The following DOCK11 variants were observed in gnomAD, a reference collection of about 807,000 sequenced individuals.
The protein encoded by DOCK11 is dedicator of cytokinesis 11, also known as dedicator of cytokinesis protein 11.
Under a neutral mutation model 169.1 loss-of-function variants are expected in DOCK11, and 70 were observed. That is an observed-to-expected ratio of 0.41 (90% CI 0.34 to 0.51). The LOEUF (loss-of-function observed/expected upper bound fraction) is 0.51, where lower values mean the gene tolerates loss of function less well. Ranked by LOEUF, DOCK11 falls within the 20% of genes least tolerant of loss-of-function variation. DOCK11 has a pLI of 0.10. For missense variants in DOCK11, 1,166 were observed against 1,538.8 expected, an observed-to-expected ratio of 0.76 and a Z score of 4.05; for synonymous variants, 529 against 541.3, an observed-to-expected ratio of 0.98 and a Z score of 0.32.
intron 23 of DOCK11, among the ~76,000 whole-genome samples, chrX:118,600,329 C>T (rs1037838280): frequency 9.2e-6 from 1 of 108,940 alleles, no homozygotes; most frequent in East Asian, 2.9e-4. Flanking sequence ...ATCGCTTGAA[C>T]CTGGGAGGCG....
chrX:118,661,971 C>T (rs1042321034), intron 44 of DOCK11, among the ~76,000 whole-genome samples: 2 of 112,200 alleles, frequency 1.8e-5, no homozygotes, highest in African/African-American at 6.5e-5. Context: ...TCATTGAGTA[C>T]TTATTTACTA....
At chrX:118,684,430 G>A (rs1361578196) in intron 52 of DOCK11, among the ~76,000 whole-genome samples, 14 of 108,234 alleles carry the variant, frequency 1.3e-4, no homozygotes, top group African/African-American at 4.0e-4. Context: ...GTGCCACCAC[G>A]CCTGGCTAAT....
intron 1 of DOCK11, among the ~76,000 whole-genome samples, chrX:118,511,190 G>T (rs2057649113): frequency 8.9e-6 from 1 of 112,508 alleles, no homozygotes; most frequent in Admixed American, 9.4e-5. Flanking sequence ...TGACCTGGCT[G>T]TAATGCACTG....
chrX:118,549,333 C>CG (rs1257790890), intron 6 of DOCK11, among the ~76,000 whole-genome samples: 3 of 107,889 alleles, frequency 2.8e-5, no homozygotes, highest in Non-Finnish European at 5.7e-5. Context: ...TTATTAGAGA[C>CG]GGGGTCTCAC....
chrX:118,503,074 C>T (rs377702814), intron 1 of DOCK11, among the ~76,000 whole-genome samples: 3 of 90,762 alleles, frequency 3.3e-5, no homozygotes, highest in Non-Finnish European at 2.1e-5. Flanking sequence ...ATAACAAAGG[C>T]TTTTTTTTTT....
At chrX:118,617,637 C>T (rs757426430) in intron 30 of DOCK11, among the ~76,000 whole-genome samples, 8 of 109,258 alleles carry the variant, frequency 7.3e-5, no homozygotes, top group Admixed American at 9.8e-5. Context: ...CCCAGCACTT[C>T]GGGAGGCCAA....
intron 18 of DOCK11, among the ~76,000 whole-genome samples, chrX:118,589,974 C>G (rs1051978449): frequency 1.8e-5 from 2 of 112,352 alleles, no homozygotes; most frequent in Non-Finnish European, 3.8e-5. Flanking sequence ...AGTTTGAGAT[C>G]GTGTTTCTTT....
At chrX:118,576,279 C>A (rs982208448) in intron 12 of DOCK11, among the ~76,000 whole-genome samples, 1 of 111,210 alleles carries the variant, frequency 9.0e-6, no homozygotes, top group African/African-American at 3.3e-5. Context: ...GGGTAAGAGT[C>A]GCCCTGGGGT....
rs771145228 is a variant in DOCK11, at chrX:118,641,133, A to G, written c.4145-57A>G. On this transcript the variant is annotated intron_variant, in intron 38 of 52. Coordinates refer to ENST00000276202, the MANE Select transcript of DOCK11 (RefSeq NM_144658.4). ...AAGTCTTTGGGTAGAAAGTCATTCA[A>G]CACCATTATGTGCATCTTCGTGTTG... 2.5e-5 allele frequency: 23 copies of G among 910,698 alleles called. No homozygotes were observed. The African/African-American group carries it at 3.7e-4, about 15-fold the overall frequency. 75.1% of individuals were successfully genotyped at this position (910,698 alleles called of 1,213,427 possible). A position where few individuals can be genotyped will look rare whatever the true frequency, so the allele number is the denominator to read the frequency against.
At chrX:118,608,014 T>C (rs1195464387) in intron 24 of DOCK11, 58 bp from the exon 25 acceptor site, 3 of 1,023,334 alleles carry the variant, frequency 2.9e-6, no homozygotes, top group African/African-American at 1.9e-5. Context: ...ATCTTAAGAA[T>C]CAAAATATGT....
At chrX:118,611,786 G>A (rs1171771282) in intron 28 of DOCK11, among the ~76,000 whole-genome samples, 6 of 110,177 alleles carry the variant, frequency 5.4e-5, no homozygotes, top group East Asian at 2.8e-4. Flanking sequence ...ACAGAGTCTC[G>A]CTCTGTCACC....
chrX:118,554,381 C>G (rs1290167050), intron 6 of DOCK11, among the ~76,000 whole-genome samples: 1 of 110,633 alleles, frequency 9.0e-6, no homozygotes, highest in Non-Finnish European at 1.9e-5. Flanking sequence ...GAAACCCTGT[C>G]TCTACTAAAA....
chrX:118,580,346 C>T (rs2147403946), intron 14 of DOCK11, among the ~76,000 whole-genome samples, 167 bp downstream of exon 14: 1 of 111,685 alleles, frequency 9.0e-6, no homozygotes, highest in East Asian at 2.8e-4. Context: ...GACGGAGTTT[C>T]GCTCTTGTTG....
At position 118,597,699 on chromosome X, in the gene DOCK11, G is replaced by C. The variant is rs1397702329; in HGVS notation, c.2385+147G>C. 1.1e-5 allele frequency: 7 copies of C among 621,542 alleles called. No homozygotes were observed. In the Admixed American group the frequency reaches 1.6e-4, roughly 14 times the overall value. The allele number at this position is 621,542 out of a possible 1,213,427, so 51.2% of individuals were successfully genotyped here. On this transcript the variant is annotated intron_variant, in intron 21 of 52. Transcript: ENST00000276202. Reference sequence around the variant, plus strand: ...CACAACAAAGATAAACATGGAATGTGCATGTTTAGAATTTATAGCAGTTTG... The same window carrying C: ...CACAACAAAGATAAACATGGAATGTCCATGTTTAGAATTTATAGCAGTTTG...
intron 1 of DOCK11, among the ~76,000 whole-genome samples, chrX:118,526,929 G>A (rs2011389373): frequency 8.9e-6 from 1 of 111,902 alleles, no homozygotes; most frequent in Non-Finnish European, 1.9e-5. Context: ...CAGCAGTGAA[G>A]TAATTACACC....
intron 13 of DOCK11, among the ~76,000 whole-genome samples, chrX:118,579,556 G>C: frequency 8.9e-6 from 1 of 112,102 alleles, no homozygotes. Flanking sequence ...CCAGCATTCT[G>C]TATCCCTAGG....
chrX:118,634,539 C>A (rs758524027), intron 35 of DOCK11, among the ~76,000 whole-genome samples: 1 of 111,977 alleles, frequency 8.9e-6, no homozygotes, highest in Non-Finnish European at 1.9e-5. Context: ...GAGGCACCAA[C>A]TTTTCGGCTA....
intron 40 of DOCK11, 43 bp from the exon 41 acceptor site, chrX:118,648,902 G>T (rs2015879879): frequency 9.1e-7 from 1 of 1,098,395 alleles, no homozygotes. Context: ...TTGATTTTAT[G>T]ATTGGATTTT....
chrX:118,594,411 G>T (rs2014095446), intron 20 of DOCK11, among the ~76,000 whole-genome samples: 1 of 112,045 alleles, frequency 8.9e-6, no homozygotes, highest in Non-Finnish European at 1.9e-5. Flanking sequence ...GCACTGACAA[G>T]ATCTTCAAGG....
Sources: gnomAD v4.1 joint callset for allele counts (sites outside exome capture counted in the v4.1 genomes callset) on GRCh38, gnomAD v4.1.1 for gene constraint, MANE v1.5 for transcripts, NCBI Gene and HGNC (gene_info 2026-07-23, HGNC 2026-07-21) for gene names.